RBMS3: variants seen among roughly 807,000 people sequenced by gnomAD.
The protein encoded by RBMS3 is RNA-binding motif, single-stranded-interacting protein 3.
A neutral mutation model predicts 66.8 loss-of-function variants in RBMS3; 27 were observed. That is an observed-to-expected ratio of 0.40 (90% CI 0.30 to 0.56). RBMS3 has a LOEUF of 0.56. RBMS3 is among the 20% of genes least tolerant of loss of function. The pLI is 0.40. For synonymous variants in RBMS3, 188 were observed against 183.0 expected, an observed-to-expected ratio of 1.03 and a Z score of -0.22; for missense variants, 513 against 549.5, an observed-to-expected ratio of 0.93 and a Z score of 0.66.
At chr3:29,786,041 A>C (rs1240487147) in intron 6 of RBMS3, among the ~76,000 whole-genome samples, 1 of 151,852 alleles carries the variant, frequency 6.6e-6, no homozygotes, top group Non-Finnish European at 1.5e-5. Context: ...TCTGGTATAC[A>C]TCAACAGTGA....
intron 5 of RBMS3, among the ~76,000 whole-genome samples, chr3:29,760,579 G>A (rs904608512): frequency 2.6e-5 from 4 of 151,370 alleles, no homozygotes; most frequent in Non-Finnish European, 5.9e-5. Flanking sequence ...TTTTCCCAAA[G>A]AGACAATAGT....
chr3:29,940,974 T>G (rs1357440894), intron 11 of RBMS3, among the ~76,000 whole-genome samples: 2 of 151,880 alleles, frequency 1.3e-5, no homozygotes, highest in African/African-American at 4.8e-5. Context: ...TATGAGAACC[T>G]CCAAGTTGCA....
intron 12 of RBMS3, among the ~76,000 whole-genome samples, chr3:29,986,631 T>C (rs116713114): frequency 9.8e-5 from 15 of 152,292 alleles, no homozygotes; most frequent in African/African-American, 2.9e-4. Context: ...ACATACTCTA[T>C]AGAGTAATCT....
chr3:29,413,372 T>A lies in RBMS3; in HGVS notation c.76-21371T>A, dbSNP rs73042519. On this transcript the variant is annotated intron_variant, in intron 1 of 14. Coordinates refer to ENST00000383767, the MANE Select transcript of RBMS3 (RefSeq NM_001003793.3). ...CAAAGAGAGTGAAACTCCATCTCAT[T>A]CATACATACATACATACATACATAC... is the stretch of plus-strand genomic sequence containing the variant. 1.4e-3 allele frequency among the ~76,000 whole-genome samples: 157 copies of A among 109,942 alleles called. 1 individual carries two copies. The highest frequency in any genetic ancestry group is 8.9e-3 in the East Asian group (36 of 4,050). 72.1% of individuals were successfully genotyped at this position (109,942 alleles called of 152,430 possible). A position where few individuals can be genotyped will look rare whatever the true frequency, so the allele number is the denominator to read the frequency against.
chr3:29,744,975 C>G (rs1576677200), intron 5 of RBMS3, among the ~76,000 whole-genome samples: 3 of 152,178 alleles, frequency 2.0e-5, no homozygotes, highest in Admixed American at 6.5e-5. Flanking sequence ...GTCCTTAATT[C>G]ATGTACAAGG....
At chr3:29,829,311 C>T (rs1043851870) in intron 6 of RBMS3, among the ~76,000 whole-genome samples, 1 of 152,178 alleles carries the variant, frequency 6.6e-6, no homozygotes, top group Non-Finnish European at 1.5e-5. Flanking sequence ...TCCCCAAGTG[C>T]TGGGATTACA....
intron 8 of RBMS3, 22 bp from the exon 9 acceptor site, chr3:29,897,357 C>T (rs765475614): frequency 2.5e-6 from 4 of 1,602,356 alleles, no homozygotes; most frequent in Non-Finnish European, 3.4e-6. Context: ...CGTGAATCTT[C>T]CTTTTTGTTT....
At chr3:29,468,970 G>T (rs542686469) in intron 2 of RBMS3, among the ~76,000 whole-genome samples, 21 of 152,160 alleles carry the variant, frequency 1.4e-4, no homozygotes, top group South Asian at 2.1e-4. Context: ...TCCTCCAAAA[G>T]CATGGTGAAT....
intron 6 of RBMS3, among the ~76,000 whole-genome samples, chr3:29,792,139 A>G (rs567666670): frequency 9.4e-4 from 143 of 152,292 alleles, no homozygotes; most frequent in Middle Eastern, 3.4e-3. Context: ...ACTATATAAC[A>G]CTATGATTTC....
At chr3:29,835,105 T>G (rs2058471473) in intron 6 of RBMS3, among the ~76,000 whole-genome samples, 1 of 152,064 alleles carries the variant, frequency 6.6e-6, no homozygotes, top group South Asian at 2.1e-4. Flanking sequence ...TAAATTTATA[T>G]GCACCCACTA....
chr3:29,491,975 A>G (rs1449802532), intron 3 of RBMS3, among the ~76,000 whole-genome samples: 2 of 149,294 alleles, frequency 1.3e-5, no homozygotes, highest in East Asian at 4.0e-4. Flanking sequence ...CCTGGGTGAC[A>G]GAGCAAGGCT....
At chr3:29,416,308 C>G (rs181856459) in intron 1 of RBMS3, among the ~76,000 whole-genome samples, 1 of 151,864 alleles carries the variant, frequency 6.6e-6, no homozygotes, top group Non-Finnish European at 1.5e-5. Context: ...CCCTCCTTTT[C>G]CCCAACCTCT....
At chr3:29,607,106 A>G (rs1486096161) in intron 4 of RBMS3, among the ~76,000 whole-genome samples, 2 of 151,982 alleles carry the variant, frequency 1.3e-5, no homozygotes, top group African/African-American at 4.8e-5. Context: ...GGGTTTCAGA[A>G]TTGCTGTATT....
intron 1 of RBMS3, among the ~76,000 whole-genome samples, chr3:29,415,094 T>C (rs2040426566): frequency 6.6e-6 from 1 of 152,144 alleles, no homozygotes; most frequent in Non-Finnish European, 1.5e-5. Flanking sequence ...GTAAGAAAGA[T>C]TTATATAACG....
chr3:29,631,883 C>A (rs2049295125), intron 4 of RBMS3, among the ~76,000 whole-genome samples: 1 of 151,792 alleles, frequency 6.6e-6, no homozygotes, highest in African/African-American at 2.4e-5. Flanking sequence ...AAGCAAGAAG[C>A]AATTATCCTC....
At chr3:29,997,090 C>T (rs1002947998) in intron 14 of RBMS3, among the ~76,000 whole-genome samples, 1 of 151,332 alleles carries the variant, frequency 6.6e-6, no homozygotes, top group Admixed American at 6.6e-5. Context: ...GGGGATATCA[C>T]CACCGATCCC....
At chr3:30,001,659 T>C (rs1394183522) in intron 14 of RBMS3, among the ~76,000 whole-genome samples, 1 of 152,008 alleles carries the variant, frequency 6.6e-6, no homozygotes, top group East Asian at 1.9e-4. Context: ...TACAACATTC[T>C]ATGTATTATA....
At chr3:29,852,451 T>C (rs140622066) in intron 6 of RBMS3, among the ~76,000 whole-genome samples, 1,644 of 152,204 alleles carry the variant, frequency 0.011, 11 homozygotes, top group Non-Finnish European at 0.015. Context: ...TTAAGAAACT[T>C]AAACAAATTT....
intron 4 of RBMS3, among the ~76,000 whole-genome samples, chr3:29,705,504 A>C (rs1246169319): frequency 2.0e-5 from 3 of 152,254 alleles, no homozygotes; most frequent in Non-Finnish European, 4.4e-5. Context: ...AAGTGAAAAC[A>C]TAATGAAATG....
Sources: allele counts gnomAD v4.1 joint callset (sites outside exome capture counted in the v4.1 genomes callset), GRCh38; gene constraint gnomAD v4.1.1; transcripts MANE v1.5; gene names NCBI Gene and HGNC (gene_info 2026-07-23, HGNC 2026-07-21).